CABIN1: variants seen among roughly 807,000 people sequenced by gnomAD.
CABIN1 encodes calcineurin-binding protein cabin-1.
A neutral mutation model predicts 227.7 loss-of-function variants in CABIN1; 133 were observed. The ratio of observed to expected loss-of-function variants is 0.58; its 90% CI spans 0.51 to 0.67. The LOEUF is 0.67. Ranked by LOEUF, CABIN1 falls within the 30% of genes least tolerant of loss-of-function variation. The probability of loss-of-function intolerance (pLI) is 0.00; values close to 1 mark genes in which losing one functional copy is unlikely to be tolerated. For synonymous variants in CABIN1, 1,086 were observed against 1,155.1 expected (o/e 0.94, Z 1.21); for missense variants, 2,408 against 2,852.5 (o/e 0.84, Z 3.55).
intron 26 of CABIN1, among the ~76,000 whole-genome samples, chr22:24,112,836 C>A (rs2042882281): frequency 3.9e-5 from 6 of 152,222 alleles, no homozygotes; most frequent in Admixed American, 3.9e-4. Context: ...TCCTCCCCCA[C>A]CTCCATGCCT....
intron 26 of CABIN1, among the ~76,000 whole-genome samples, chr22:24,100,675 G>A (rs1474132213): frequency 6.6e-6 from 1 of 152,202 alleles, no homozygotes; most frequent in Non-Finnish European, 1.5e-5. Context: ...TACAGCTGAG[G>A]AGAAGCAGTC....
Position 24,167,072 on chromosome 22 carries a change from C to G in CABIN1, c.5441C>G (p.Thr1814Ser). 1 of 1,545,122 alleles carries G rather than the reference C, an allele frequency of 6.5e-7. No individual in the cohort carries two copies. The highest frequency in any genetic ancestry group is 8.7e-7 in the Non-Finnish European group (1 of 1,145,152). Residue 1814 changes from threonine to serine, a missense_variant, in exon 32 of 37, where the codon ACC becomes AGC. Physicochemically the swap from Thr to Ser is moderately conservative, Grantham distance 58 (BLOSUM62 1). This residue lies in a region of CABIN1 where 714 missense variants were observed against 773.8 expected (regional missense o/e 0.92). Transcript: ENST00000263119. ...ISARQQPTPL[T>S]PAQPAPAPAP... is the part of the protein sequence containing the mutation. ...GCCCGGCAGCAGCCCACCCCGCTCA[C>G]CCCAGCCCAGCCAGCCCCCGCCCCC... is the stretch of plus-strand genomic sequence containing the variant.
chr22:24,174,625 A>G (rs1488295052), intron 34 of CABIN1, among the ~76,000 whole-genome samples: 3 of 151,926 alleles, frequency 2.0e-5, no homozygotes, highest in Non-Finnish European at 2.9e-5. Flanking sequence ...TTGTGGGGTA[A>G]AGTTGGCTCA....
At chr22:24,037,259 CAAAA>C (rs71184942) in intron 3 of CABIN1, among the ~76,000 whole-genome samples, 7 of 52,618 alleles carry the variant, frequency 1.3e-4, no homozygotes, top group Non-Finnish European at 1.6e-4. Context: ...GACCCCGTCT[CAAAA>C]AAAAAAAAAA....
At chr22:24,072,629 T>C in intron 18 of CABIN1, 119 bp downstream of exon 18, 2 of 1,228,398 alleles carry the variant, frequency 1.6e-6, no homozygotes, top group East Asian at 2.4e-5. Context: ...GTCCTCTCAA[T>C]CCCAGGATTT....
At chr22:24,068,010 A>G (rs1329062244) in intron 16 of CABIN1, among the ~76,000 whole-genome samples, 1 of 152,076 alleles carries the variant, frequency 6.6e-6, no homozygotes, top group Non-Finnish European at 1.5e-5. Context: ...TTTTGTATCT[A>G]TGGGGTACTT....
intron 17 of CABIN1, 116 bp from the exon 18 acceptor site, chr22:24,072,237 TG>T: frequency 1.0e-6 from 1 of 984,360 alleles, no homozygotes; most frequent in Non-Finnish European, 1.6e-6. Flanking sequence ...ATCTGAGCAG[TG>T]GGGGTGGGCA....
chr22:24,025,374 G>C (rs2036006888), intron 1 of CABIN1, among the ~76,000 whole-genome samples: 1 of 152,130 alleles, frequency 6.6e-6, no homozygotes, highest in African/African-American at 2.4e-5. Context: ...TCTTCTGATA[G>C]AAGCCACCTG....
At chr22:24,069,990 A>G (rs1479813763) in intron 16 of CABIN1, among the ~76,000 whole-genome samples, 3 of 152,066 alleles carry the variant, frequency 2.0e-5, no homozygotes, top group African/African-American at 4.8e-5. Context: ...GTGAATTCAC[A>G]GACAGGCTGT....
chr22:24,096,618 C>A (rs767235171), intron 25 of CABIN1, among the ~76,000 whole-genome samples: 1 of 152,188 alleles, frequency 6.6e-6, no homozygotes, highest in African/African-American at 2.4e-5. Context: ...GTCATCTCCA[C>A]AGCCCAGACT....
intron 29 of CABIN1, among the ~76,000 whole-genome samples, chr22:24,144,200 C>T (rs532451328): frequency 9.2e-5 from 14 of 152,322 alleles, no homozygotes; most frequent in African/African-American, 3.4e-4. Flanking sequence ...GCCACTATGT[C>T]GTTGGAAATT....
rs557304686 is a variant in CABIN1 at position 24,067,695 on chromosome 22, C to T, written c.2232+514C>T. Among the ~76,000 whole-genome samples, 3 of 152,238 alleles carry T rather than the reference C, an allele frequency of 2.0e-5. No individual in the cohort carries two copies. The South Asian group carries it at 6.2e-4, about 32-fold the overall frequency. On this transcript the variant is annotated intron_variant, in intron 16 of 36. Transcript: ENST00000263119. ...AGGTAAACTCTTACCAAGAGCCTGCCAGGGAACTGGCAGCTGCTGGGTGCT... is the reference window on the plus strand; with the variant it reads ...AGGTAAACTCTTACCAAGAGCCTGCTAGGGAACTGGCAGCTGCTGGGTGCT...
chr22:24,071,238 C>T, intron 17 of CABIN1, 196 bp downstream of exon 17: 1 of 700,726 alleles, frequency 1.4e-6, no homozygotes, highest in East Asian at 2.7e-5. Context: ...CTGGTCGGAT[C>T]TGGGGATTAG....
intron 1 of CABIN1, among the ~76,000 whole-genome samples, chr22:24,035,141 A>G (rs2036772989): frequency 6.6e-6 from 1 of 151,938 alleles, no homozygotes; most frequent in African/African-American, 2.4e-5. Context: ...TTCTTTTCGT[A>G]TCATTCAGGT....
At chr22:24,070,021 A>G (rs1028993835) in intron 16 of CABIN1, among the ~76,000 whole-genome samples, 1 of 151,904 alleles carries the variant, frequency 6.6e-6, no homozygotes, top group African/African-American at 2.4e-5. Context: ...GCACCAGCAC[A>G]GTGATGAGAG....
intron 28 of CABIN1, among the ~76,000 whole-genome samples, chr22:24,133,590 C>T (rs2044208942): frequency 6.6e-6 from 1 of 152,240 alleles, no homozygotes; most frequent in Admixed American, 6.5e-5. Context: ...CAGCTCTGCC[C>T]ATTGCCAGCC....
chr22:24,012,601 A>G (rs1055241061), intron 1 of CABIN1, among the ~76,000 whole-genome samples: 3 of 152,114 alleles, frequency 2.0e-5, no homozygotes, highest in East Asian at 3.8e-4. Context: ...GCTACTCTTT[A>G]TCGTGTTCTG....
chr22:24,144,519 C>G (rs1481631023), intron 29 of CABIN1, among the ~76,000 whole-genome samples: 2 of 152,262 alleles, frequency 1.3e-5, no homozygotes, highest in South Asian at 4.1e-4. Flanking sequence ...GCACATGATC[C>G]AGCAGCCATG....
chr22:24,059,443 G>A lies in CABIN1; in HGVS notation c.1399+80G>A, dbSNP rs116354668. On this transcript the variant is annotated intron_variant, in intron 11 of 36. Coordinates refer to ENST00000263119, the MANE Select transcript of CABIN1 (RefSeq NM_012295.4). ...TATAACCTGCTTATGTTTTGTTCTG[G>A]GAGAATGGTTCTGGGGTGTTTTTTA... 1.6e-3 allele frequency: 2,500 copies of A among 1,543,380 alleles called. 36 individuals carry two copies. The African/African-American group carries it at 0.03, about 19-fold the overall frequency.
Sources: gnomAD v4.1 joint callset for allele counts (sites outside exome capture counted in the v4.1 genomes callset) on GRCh38, gnomAD v4.1.1 for gene constraint, gnomAD v4.1.1 regional missense constraint, MANE v1.5 for transcripts, NCBI Gene and HGNC (gene_info 2026-07-23, HGNC 2026-07-21) for gene names.